Variants in RDX observed in about 807,000 individuals in gnomAD.
RDX encodes radixin, also known as deafness, autosomal recessive 24.
A neutral mutation model predicts 83.7 loss-of-function variants in RDX; 32 were observed. The ratio of observed to expected loss-of-function variants is 0.38; its 90% CI spans 0.29 to 0.51. The LOEUF (loss-of-function observed/expected upper bound fraction) is 0.51. RDX is among the 20% of genes least tolerant of loss of function. The pLI is 0.87. For synonymous variants in RDX, 229 were observed against 222.7 expected, an observed-to-expected ratio of 1.03 and a Z score of -0.25; for missense variants, 600 against 689.9, an observed-to-expected ratio of 0.87 and a Z score of 1.46.
At chr11:110,280,220 A>G (rs953674206) in intron 1 of RDX, among the ~76,000 whole-genome samples, 1 of 152,196 alleles carries the variant, frequency 6.6e-6, no homozygotes, top group Non-Finnish European at 1.5e-5. Context: ...AATGTAATCT[A>G]CAAAAAAATG....
In RDX at chr11:110,230,590, ACACAC is replaced by A. The variant is rs1437130789; in HGVS notation, c.*1274_*1278del. On this transcript the variant is annotated 3_prime_UTR_variant, in exon 14 of 14. Transcript: ENST00000645495. ...ATACACACACAGAGTACACACACAC[ACACAC>A]ACACACACACACACAGTCTCTCTCT... 1 of 151,624 alleles carries A rather than the reference ACACAC, an allele frequency of 6.6e-6. No homozygotes were observed. Among genetic ancestry groups the A allele is most frequent in the Non-Finnish European group, 1.5e-5 (1 of 67,948 alleles). The allele number at this position is 151,624 out of a possible 1,614,324, so 9.4% of individuals were successfully genotyped here.
chr11:110,195,557 A>C (rs1863187685), intron 15 of RDX: 1 of 152,252 alleles, frequency 6.6e-6, no homozygotes, highest in Non-Finnish European at 1.5e-5. Flanking sequence ...AGTAAGGCTC[A>C]GGCTGATGTT....
rs896210986 is a variant in RDX, at chr11:110,282,408, C to CT, written c.-64-2653dup. 2.3e-3 allele frequency among the ~76,000 whole-genome samples: 342 copies of CT among 148,436 alleles called. 4 individuals are homozygous for CT. The highest frequency in any genetic ancestry group is 7.0e-3 in the South Asian group (33 of 4,690). On this transcript the variant is annotated intron_variant, in intron 1 of 13. Transcript: ENST00000645495. ...TTCTACAACGTATCAGCCTGTCTTCCTTTTTTTTTTGATATGAAAAGACTG... is the reference window on the plus strand; with the variant it reads ...TTCTACAACGTATCAGCCTGTCTTCCTTTTTTTTTTTGATATGAAAAGACTG...
Position 110,184,584 on chromosome 11 carries a change from GC to G in RDX, c.*32-9351del, listed in dbSNP as rs1316355164. Among the ~76,000 whole-genome samples the G allele has an allele frequency of 3.9e-5, 6 of 152,164 alleles. No individual in the cohort carries two copies. In the South Asian group the frequency reaches 1.2e-3, roughly 32 times the overall value. On this transcript the variant is annotated intron_variant, in intron 15 of 15. Transcript: ENST00000528498. ...AAACCCCTTCTGATGGGGGTGGGAG[GC>G]CTGAAGGAAGCCCTGGAGATGGGAA...
downstream of RDX, among the ~76,000 whole-genome samples, chr11:110,226,932 C>T (rs1022190659): frequency 2.2e-4 from 34 of 152,058 alleles, no homozygotes; most frequent in Non-Finnish European, 5.9e-5. Flanking sequence ...AATTTTCCTG[C>T]TTATTGATCT....
rs189561570 is a variant in RDX at position 110,235,143 on chromosome 11, G to C, written c.1344+956C>G. 1.1e-4 allele frequency among the ~76,000 whole-genome samples: 16 copies of C among 152,118 alleles called. No homozygotes were observed. In the East Asian group the frequency reaches 3.1e-3, roughly 29 times the overall value. On this transcript the variant is annotated intron_variant, in intron 12 of 13. Coordinates refer to ENST00000645495, the MANE Select transcript of RDX (RefSeq NM_002906.4). ...GAGATGGGAGGGCTGCTTGAGGCCA[G>C]CAGTTCAAGACCAACCTGGGTTACA...
rs140511923 is a variant in RDX at position 110,236,452 on chromosome 11, G to A, written c.1252-261C>T. On this transcript the variant is annotated intron_variant, in intron 11 of 13. Coordinates refer to ENST00000645495, the MANE Select transcript of RDX (RefSeq NM_002906.4). Reference sequence around the variant, plus strand: ...TTTCAGTAGCAGGAACTTAAAATGTGTAACTTAAAAGCTTTTTTAAAAAAT... The same window carrying A: ...TTTCAGTAGCAGGAACTTAAAATGTATAACTTAAAAGCTTTTTTAAAAAAT... 59 of 360,296 alleles carry A rather than the reference G, an allele frequency of 1.6e-4. No individual in the cohort carries two copies. In the East Asian group the frequency reaches 3.1e-3, roughly 19 times the overall value. The allele number at this position is 360,296 out of a possible 1,614,324, so 22.3% of individuals were successfully genotyped here. A position where few individuals can be genotyped will look rare whatever the true frequency, so the allele number is the denominator to read the frequency against.
chr11:110,242,601 T>C (rs907519414), intron 10 of RDX, among the ~76,000 whole-genome samples: 13 of 152,168 alleles, frequency 8.5e-5, no homozygotes, highest in Non-Finnish European at 1.0e-4. Context: ...TTTTATCAGC[T>C]TTTTGTAATA....
At chr11:110,248,299 T>C (rs1183249856) in intron 9 of RDX, among the ~76,000 whole-genome samples, 1 of 152,048 alleles carries the variant, frequency 6.6e-6, no homozygotes, top group Admixed American at 6.6e-5. Context: ...TAAGAAGAAA[T>C]GACAACATAA....
At chr11:110,275,616 T>C (rs575659127) in intron 2 of RDX, among the ~76,000 whole-genome samples, 51 of 152,342 alleles carry the variant, frequency 3.3e-4, no homozygotes, top group African/African-American at 1.2e-3. Flanking sequence ...AGTCTTTATA[T>C]ATTCTTGATA....
chr11:110,283,405 C>T (rs1299226076), intron 1 of RDX, among the ~76,000 whole-genome samples: 2 of 152,128 alleles, frequency 1.3e-5, no homozygotes, highest in Admixed American at 6.5e-5. Context: ...CTGCCTGCTT[C>T]GGCCTCCCAA....
intron 14 of RDX, among the ~76,000 whole-genome samples, chr11:110,213,194 AACAG>A (rs1355759148): frequency 6.6e-6 from 1 of 151,624 alleles, no homozygotes; most frequent in African/African-American, 2.4e-5. Context: ...ATACACCAAC[AACAG>A]ACAAACAGAG....
At chr11:110,241,883 G>T (rs1163285362) in intron 10 of RDX, among the ~76,000 whole-genome samples, 1 of 152,104 alleles carries the variant, frequency 6.6e-6, no homozygotes, top group Non-Finnish European at 1.5e-5. Context: ...GCTACAACGT[G>T]GATGAACCTT....
chr11:110,254,569 G>A (rs551370947), intron 8 of RDX, among the ~76,000 whole-genome samples: 3 of 151,386 alleles, frequency 2.0e-5, no homozygotes, highest in African/African-American at 4.9e-5. Context: ...TCTGCCTCCC[G>A]GGTTCAAGAA....
rs866586362 is a variant in RDX at position 110,244,968 on chromosome 11, T to G, written c.1090+2735A>C. Among the ~76,000 whole-genome samples the G allele has an allele frequency of 8.8e-3, 1,328 of 151,208 alleles. 20 individuals carry two copies. Among genetic ancestry groups the G allele is most frequent in the African/African-American group, 0.031 (1,259 of 41,230 alleles). On this transcript the variant is annotated intron_variant, in intron 10 of 13. Transcript: ENST00000645495. ...TTACTGTATCTGTACTTCAAAGTTT[T>G]TTTTTTTTTTTTTTGAGACAGAGTC...
In RDX at chr11:110,231,662, C is replaced by T; in HGVS notation, c.*207G>A. ...GCAATGGAACACCATTCTCCATTCC[C>T]TGGACCAAAAGAAAAAAGAAAACCA... On this transcript the variant is annotated 3_prime_UTR_variant, in exon 14 of 14. Coordinates refer to ENST00000645495, the MANE Select transcript of RDX (RefSeq NM_002906.4). The T allele has an allele frequency of 1.6e-6, 1 of 608,576 alleles. No individual in the cohort carries two copies. The highest frequency in any genetic ancestry group is 2.0e-5 in the South Asian group (1 of 50,912). The allele number at this position is 608,576 out of a possible 1,614,324, so 37.7% of individuals were successfully genotyped here. A position where few individuals can be genotyped will look rare whatever the true frequency, so the allele number is the denominator to read the frequency against.
chr11:110,263,849 C>A (rs1223884018), intron 5 of RDX, 111 bp downstream of exon 5: 39 of 934,302 alleles, frequency 4.2e-5, no homozygotes, highest in Non-Finnish European at 6.2e-5. Context: ...GCATGGGTGA[C>A]AGGTCCAGAC....
chr11:110,240,611 A>G (rs1411967243), intron 10 of RDX, among the ~76,000 whole-genome samples: 4 of 150,910 alleles, frequency 2.7e-5, no homozygotes, highest in African/African-American at 9.8e-5. Flanking sequence ...CGGGCGTGGT[A>G]GCGGGCGCCT....
intron 12 of RDX, among the ~76,000 whole-genome samples, chr11:110,235,052 T>C (rs934516361): frequency 4.6e-5 from 7 of 152,174 alleles, no homozygotes; most frequent in Non-Finnish European, 8.8e-5. Flanking sequence ...TTAGGACTCA[T>C]ATTAGAAATC....
Sources: allele counts gnomAD v4.1 joint callset (sites outside exome capture counted in the v4.1 genomes callset), GRCh38; gene constraint gnomAD v4.1.1; transcripts MANE v1.5; gene names NCBI Gene and HGNC (gene_info 2026-07-23, HGNC 2026-07-21).